Variants in LAMB1 observed in about 807,000 individuals in gnomAD.
LAMB1 encodes laminin subunit beta 1.
Under a neutral mutation model 222.3 loss-of-function variants are expected in LAMB1, and 121 were observed. The observed-to-expected ratio is 0.54, with a 90% CI of 0.47 to 0.63. The LOEUF (loss-of-function observed/expected upper bound fraction) is 0.63, where lower values mean the gene tolerates loss of function less well. Ranked by LOEUF, LAMB1 falls within the 30% of genes least tolerant of loss-of-function variation. The pLI is 0.00. For synonymous variants in LAMB1, 794 were observed against 807.2 expected, an observed-to-expected ratio of 0.98 and a Z score of 0.28; for missense variants, 2,172 against 2,240.8, an observed-to-expected ratio of 0.97 and a Z score of 0.62.
At chr7:107,937,741 C>T (rs2116345093) in intron 25 of LAMB1, among the ~76,000 whole-genome samples, 1 of 152,312 alleles carries the variant, frequency 6.6e-6, no homozygotes, top group Non-Finnish European at 1.5e-5. Context: ...AGAGGGGAAG[C>T]CCTATAGCCT....
intron 31 of LAMB1, among the ~76,000 whole-genome samples, chr7:107,928,624 C>CT (rs1308044432): frequency 1.3e-5 from 2 of 152,098 alleles, no homozygotes; most frequent in African/African-American, 4.8e-5. Flanking sequence ...TCCCAGGTAG[C>CT]TGGGACTACA....
intron 13 of LAMB1, among the ~76,000 whole-genome samples, chr7:107,968,399 C>T (rs2033676327): frequency 6.6e-6 from 1 of 152,104 alleles, no homozygotes; most frequent in South Asian, 2.1e-4. Flanking sequence ...AGAATAATGG[C>T]CCCCAAAGAT....
At chr7:107,937,339 C>T (rs972758913) in intron 25 of LAMB1, 62 bp from the exon 26 acceptor site, 12 of 1,368,434 alleles carry the variant, frequency 8.8e-6, no homozygotes, top group Non-Finnish European at 1.2e-5. Flanking sequence ...TTTCACGTTT[C>T]ATATTTTCTA....
chr7:107,959,528 G>A (rs1414411828), intron 19 of LAMB1, 48 bp from the exon 20 acceptor site: 3 of 1,609,470 alleles, frequency 1.9e-6, no homozygotes, highest in Non-Finnish European at 2.5e-6. Context: ...CTCATTCAAT[G>A]GAAACATGCT....
chr7:107,987,516 T>G (rs1464993847), intron 5 of LAMB1, among the ~76,000 whole-genome samples: 1 of 152,224 alleles, frequency 6.6e-6, no homozygotes, highest in Non-Finnish European at 1.5e-5. Context: ...ATTGGATCTT[T>G]TTTTGAGGCA....
intron 24 of LAMB1, among the ~76,000 whole-genome samples, chr7:107,943,821 G>T (rs1478569317): frequency 6.6e-6 from 1 of 152,166 alleles, no homozygotes; most frequent in Non-Finnish European, 1.5e-5. Context: ...ATGTGCGTGT[G>T]TGTGTATCTG....
chr7:107,988,464 T>C (rs2034122362), intron 5 of LAMB1, among the ~76,000 whole-genome samples: 1 of 151,918 alleles, frequency 6.6e-6, no homozygotes, highest in Non-Finnish European at 1.5e-5. Flanking sequence ...AAAAAAGGAA[T>C]GGGTAAGATA....
chr7:107,935,334 T>G, intron 27 of LAMB1, 81 bp downstream of exon 27: 8 of 1,501,778 alleles, frequency 5.3e-6, no homozygotes, highest in South Asian at 1.3e-5. Flanking sequence ...CAAAAGATGG[T>G]TTGTTTTTCT....
In LAMB1 at chr7:108,001,730, A is replaced by AG; in HGVS notation, c.40dup (p.Leu14ProfsTer74). 1 of 1,612,510 alleles carries AG rather than the reference A, an allele frequency of 6.2e-7. No individual in the cohort carries two copies. The highest frequency in any genetic ancestry group is 8.5e-7 in the Non-Finnish European group (1 of 1,179,686). On this transcript the variant is annotated frameshift_variant, in exon 3 of 34. Transcript: ENST00000222399. LOFTEE classifies it high-confidence loss of function. ...CTGAGCGCGCACTCGGGCTCTGCACAGGGCTGCGGGAAGGACAGGCAACAG... is the reference window on the plus strand; with the variant it reads ...CTGAGCGCGCACTCGGGCTCTGCACAGGGGCTGCGGGAAGGACAGGCAACAG...
At chr7:107,983,552 T>A (rs2034014572) in intron 7 of LAMB1, among the ~76,000 whole-genome samples, 1 of 144,972 alleles carries the variant, frequency 6.9e-6, no homozygotes, top group Non-Finnish European at 1.5e-5. Flanking sequence ...AAGCCCTTTT[T>A]TTTTTTTTTT....
chr7:107,931,936 T>C (rs2032720809), intron 28 of LAMB1, among the ~76,000 whole-genome samples: 2 of 152,332 alleles, frequency 1.3e-5, no homozygotes, highest in South Asian at 4.1e-4. Flanking sequence ...CAGTATAAGA[T>C]TTAAACATCT....
chr7:107,933,882 G>A (rs1314555821), intron 27 of LAMB1, among the ~76,000 whole-genome samples: 1 of 152,132 alleles, frequency 6.6e-6, no homozygotes, highest in Non-Finnish European at 1.5e-5. Context: ...CACCGCCCAT[G>A]CATCTCCCTG....
chr7:107,958,629 CAG>C (rs1347661933), intron 20 of LAMB1, among the ~76,000 whole-genome samples: 1 of 152,216 alleles, frequency 6.6e-6, no homozygotes, highest in Non-Finnish European at 1.5e-5. Context: ...TAGTAATAAA[CAG>C]TGTAAGTCAG....
chr7:107,959,566 C>G, intron 19 of LAMB1, 86 bp from the exon 20 acceptor site: 1 of 1,606,898 alleles, frequency 6.2e-7, no homozygotes, highest in Non-Finnish European at 8.5e-7. Flanking sequence ...GTCCCCAATT[C>G]AGAATGCTCA....
Position 107,923,945 on chromosome 7 carries a change from C to T in LAMB1, c.*6G>A, listed in dbSNP as rs1401972070. ...GTTCACCTCAGCCATTTTTTATTCT[C>T]CTCTGTTACAAGCATGTGCTATACA... On this transcript the variant is annotated 3_prime_UTR_variant, in exon 34 of 34. Coordinates refer to ENST00000222399, the MANE Select transcript of LAMB1 (RefSeq NM_002291.3). The T allele has an allele frequency of 1.9e-6, 3 of 1,602,234 alleles. No homozygotes were observed. The highest frequency in any genetic ancestry group is 1.7e-4 in the Middle Eastern group (1 of 6,010).
chr7:108,002,037 C>G, intron 2 of LAMB1: 3 of 1,443,190 alleles, frequency 2.1e-6, no homozygotes, highest in African/African-American at 1.5e-5. Context: ...CGGGGAGCAG[C>G]TCCCCCAACA....
chr7:107,995,445 A>G (rs1465282751), intron 4 of LAMB1, among the ~76,000 whole-genome samples: 1 of 152,384 alleles, frequency 6.6e-6, no homozygotes, highest in Non-Finnish European at 1.5e-5. Flanking sequence ...AAGAAAATAA[A>G]TAAGAGTCTA....
intron 5 of LAMB1, among the ~76,000 whole-genome samples, chr7:107,986,837 T>A (rs1050221881): frequency 6.6e-6 from 1 of 152,206 alleles, no homozygotes; most frequent in Non-Finnish European, 1.5e-5. Flanking sequence ...TAATTTGCAA[T>A]ATGCTATGTC....
chr7:107,951,893 C>T, intron 23 of LAMB1, 116 bp downstream of exon 23: 1 of 843,650 alleles, frequency 1.2e-6, no homozygotes, highest in East Asian at 2.7e-5. Context: ...GGCTAAGATC[C>T]AGGCCACGCT....
Sources: gnomAD v4.1 joint callset for allele counts (sites outside exome capture counted in the v4.1 genomes callset) on GRCh38, gnomAD v4.1.1 for gene constraint, MANE v1.5 for transcripts, NCBI Gene and HGNC (gene_info 2026-07-23, HGNC 2026-07-21) for gene names.